NDUFAF2: variants seen among roughly 807,000 people sequenced by gnomAD.
The protein encoded by NDUFAF2 is NADH:ubiquinone oxidoreductase complex assembly factor 2, also known as NADH dehydrogenase [ubiquinone] 1 alpha subcomplex assembly factor 2.
A neutral mutation model predicts 22.8 loss-of-function variants in NDUFAF2; 13 were observed. The observed-to-expected ratio is 0.57, with a 90% CI of 0.37 to 0.91. The LOEUF (loss-of-function observed/expected upper bound fraction) is 0.91. NDUFAF2 is among the 40% of genes least tolerant of loss of function. NDUFAF2 has a pLI of 0.01. For missense variants in NDUFAF2, 162 were observed against 195.2 expected, an observed-to-expected ratio of 0.83 and a Z score of 1.01; for synonymous variants, 53 against 64.2, an observed-to-expected ratio of 0.83 and a Z score of 0.84.
chr5:60,971,215 A>G (rs1301439829), intron 1 of NDUFAF2, among the ~76,000 whole-genome samples: 3 of 151,586 alleles, frequency 2.0e-5, no homozygotes, highest in African/African-American at 7.3e-5. Flanking sequence ...ACATATGTAT[A>G]CATGTGCCAT....
intron 1 of NDUFAF2, among the ~76,000 whole-genome samples, chr5:60,996,831 A>G (rs142153468): frequency 3.7e-4 from 56 of 152,258 alleles, no homozygotes; most frequent in African/African-American, 1.3e-3. Context: ...TCTGTGCCTT[A>G]CAATTGCTGA....
intron 1 of NDUFAF2, among the ~76,000 whole-genome samples, chr5:60,976,364 T>C (rs1750903081): frequency 6.6e-6 from 1 of 152,094 alleles, no homozygotes; most frequent in Non-Finnish European, 1.5e-5. Flanking sequence ...AGGCTTTATG[T>C]ATGCCCTCAG....
chr5:61,131,612 A>T (rs1323855149), intron 3 of NDUFAF2, among the ~76,000 whole-genome samples: 1 of 152,186 alleles, frequency 6.6e-6, no homozygotes, highest in African/African-American at 2.4e-5. Context: ...TGAACGAATA[A>T]ATTACAATGG....
chr5:60,988,509 T>A (rs1028585491), intron 1 of NDUFAF2, among the ~76,000 whole-genome samples: 4 of 152,250 alleles, frequency 2.6e-5, no homozygotes, highest in Non-Finnish European at 5.9e-5. Context: ...GGAGGCATAA[T>A]GTTACCCGAC....
At chr5:60,967,678 T>C (rs1750775619) in intron 1 of NDUFAF2, among the ~76,000 whole-genome samples, 1 of 151,904 alleles carries the variant, frequency 6.6e-6, no homozygotes, top group Non-Finnish European at 1.5e-5. Context: ...ATTCTTGCTT[T>C]CCAGGGATAA....
intron 1 of NDUFAF2, among the ~76,000 whole-genome samples, chr5:61,063,659 CA>C (rs1752193884): frequency 6.6e-6 from 1 of 152,148 alleles, no homozygotes; most frequent in East Asian, 1.9e-4. Context: ...GAGTAATTAT[CA>C]GCTTAAAATA....
intron 1 of NDUFAF2, among the ~76,000 whole-genome samples, chr5:60,950,647 T>A (rs1256012738): frequency 6.6e-6 from 1 of 151,934 alleles, no homozygotes; most frequent in Non-Finnish European, 1.5e-5. Context: ...CTGGGTTTTT[T>A]TTTTTTTTTT....
At chr5:61,129,161 T>A (rs1010314602) in intron 3 of NDUFAF2, among the ~76,000 whole-genome samples, 5 of 152,086 alleles carry the variant, frequency 3.3e-5, no homozygotes, top group African/African-American at 1.2e-4. Context: ...CTGGAGAGGA[T>A]GTGGAGAAAT....
intron 1 of NDUFAF2, among the ~76,000 whole-genome samples, chr5:60,952,002 C>T (rs1220243730): frequency 6.6e-6 from 1 of 150,848 alleles, no homozygotes; most frequent in Non-Finnish European, 1.5e-5. Context: ...GTTGAATTTA[C>T]AGTCATAAAG....
chr5:60,996,487 A>G (rs1199735236), intron 1 of NDUFAF2, among the ~76,000 whole-genome samples: 1 of 152,082 alleles, frequency 6.6e-6, no homozygotes, highest in Non-Finnish European at 1.5e-5. Flanking sequence ...ATTTTGGAGC[A>G]GGGAGCTGTG....
intron 3 of NDUFAF2, among the ~76,000 whole-genome samples, chr5:61,118,293 A>G (rs1328361069): frequency 6.6e-6 from 1 of 152,202 alleles, no homozygotes; most frequent in Non-Finnish European, 1.5e-5. Context: ...AAGCAAAGAA[A>G]GCATCAATAA....
chr5:61,147,098 G>A (rs1741150845), intron 3 of NDUFAF2, among the ~76,000 whole-genome samples: 1 of 151,366 alleles, frequency 6.6e-6, no homozygotes, highest in Non-Finnish European at 1.5e-5. Context: ...TCTGTTGACT[G>A]GTTTTTAGTC....
chr5:61,104,304 T>A (rs1298955274), intron 3 of NDUFAF2, among the ~76,000 whole-genome samples: 1 of 152,116 alleles, frequency 6.6e-6, no homozygotes, highest in East Asian at 1.9e-4. Context: ...CTTTTTTTTA[T>A]ACTAACACAA....
At chr5:60,971,475 A>G (rs62367861) in intron 1 of NDUFAF2, among the ~76,000 whole-genome samples, 132,384 of 151,606 alleles carry the variant, frequency 0.87, 58,083 homozygotes, top group East Asian at 0.95. Flanking sequence ...TTTTAGTAGA[A>G]ACAGGGTTTC....
chr5:61,141,664 A>AAATGAATGAATGAATGAATG (rs70977828), intron 3 of NDUFAF2, among the ~76,000 whole-genome samples: 1 of 151,054 alleles, frequency 6.6e-6, no homozygotes, highest in Non-Finnish European at 1.5e-5. Flanking sequence ...AGTATATATT[A>AAATGAATGAATGAATGAATG]AATGAATGAA....
At chr5:61,033,835 C>T (rs1213922367) in intron 1 of NDUFAF2, among the ~76,000 whole-genome samples, 1 of 152,050 alleles carries the variant, frequency 6.6e-6, no homozygotes, top group Non-Finnish European at 1.5e-5. Flanking sequence ...GTTAGGCAAA[C>T]AAAAGAGATG....
At chr5:60,964,851 A>G (rs1283387742) in intron 1 of NDUFAF2, among the ~76,000 whole-genome samples, 1 of 151,980 alleles carries the variant, frequency 6.6e-6, no homozygotes. Context: ...CATTTCCCCA[A>G]TACCTACCAC....
rs1376337582 is a variant in NDUFAF2 at position 61,040,295 on chromosome 5, CGCGCGCGA to C, written c.128-32829_128-32822del. On this transcript the variant is annotated intron_variant, in intron 1 of 3. Coordinates refer to ENST00000296597, the MANE Select transcript of NDUFAF2 (RefSeq NM_174889.5). ...ACACACACACACACACACGCGCGCG[CGCGCGCGA>C]AAGTTGAAAGCAGAGATTGGAGTAA... 5.3e-4 allele frequency among the ~76,000 whole-genome samples: 80 copies of C among 150,486 alleles called. 1 individual carries two copies. The highest frequency in any genetic ancestry group is 3.7e-3 in the Admixed American group (56 of 15,114).
intron 1 of NDUFAF2, among the ~76,000 whole-genome samples, chr5:61,052,499 A>T (rs1305267594): frequency 6.6e-6 from 1 of 151,962 alleles, no homozygotes; most frequent in Non-Finnish European, 1.5e-5. Context: ...TTTAGTAGAG[A>T]TGGGGTTTCA....
Sources: gnomAD v4.1 joint callset for allele counts (sites outside exome capture counted in the v4.1 genomes callset) on GRCh38, gnomAD v4.1.1 for gene constraint, MANE v1.5 for transcripts, NCBI Gene and HGNC (gene_info 2026-07-23, HGNC 2026-07-21) for gene names.